The following INTS8 variants were observed in gnomAD, a reference collection of about 807,000 sequenced individuals.
INTS8 encodes protein kaonashi-1.
INTS8 carries 47 observed loss-of-function variants against 138.9 expected under a neutral mutation model. The ratio of observed to expected loss-of-function variants is 0.34; its 90% CI spans 0.27 to 0.43. The LOEUF is 0.43. INTS8 is among the 20% of genes least tolerant of loss of function. The pLI is 1.00. For synonymous variants in INTS8, 392 were observed against 400.9 expected (o/e 0.98, Z 0.27); for missense variants, 996 against 1,173.0 (o/e 0.85, Z 2.20).
chr8:94,870,929 A>G (rs961909578), intron 20 of INTS8, among the ~76,000 whole-genome samples: 4 of 152,014 alleles, frequency 2.6e-5, no homozygotes, highest in Non-Finnish European at 1.5e-5. Context: ...CTGACTCTGT[A>G]CCTGAAGGTG....
At position 94,853,786 on chromosome 8, in the gene INTS8, T is replaced by C. The variant is rs1017629100; in HGVS notation, c.1642-19T>C. 3.7e-6 allele frequency: 5 copies of C among 1,335,996 alleles called. No individual in the cohort carries two copies. The African/African-American group carries it at 7.2e-5, about 19-fold the overall frequency. The allele number at this position is 1,335,996 out of a possible 1,614,324, so 82.8% of individuals were successfully genotyped here. ...TCCTCTATGTGTGCATATATATATG[T>C]ATTTTTTGTTTCTTTTAGTGGGAAG... On this transcript the variant is annotated intron_variant, in intron 13 of 26. Coordinates refer to ENST00000523731, the MANE Select transcript of INTS8 (RefSeq NM_017864.4).
intron 10 of INTS8, among the ~76,000 whole-genome samples, chr8:94,848,807 T>A (rs1236973381): frequency 6.6e-6 from 1 of 152,180 alleles, no homozygotes; most frequent in Non-Finnish European, 1.5e-5. Flanking sequence ...AAAAAATATT[T>A]AGCAATTTCT....
intron 23 of INTS8, 116 bp downstream of exon 23, chr8:94,874,718 T>C (rs892800548): frequency 3.4e-6 from 2 of 587,732 alleles, no homozygotes; most frequent in African/African-American, 3.8e-5. Context: ...TCACTTAGGG[T>C]ATGTAAGAGT....
intron 5 of INTS8, among the ~76,000 whole-genome samples, chr8:94,831,482 CTTTTTT>C (rs11482467): frequency 2.5e-4 from 30 of 121,580 alleles, no homozygotes; most frequent in East Asian, 4.9e-4. Context: ...TTGTCTTTTT[CTTTTTT>C]TTTTTTTTTT....
rs1345582802 is a variant in INTS8, at chr8:94,876,354, T to C, written c.2827+69T>C. ...TATAAATTAAAGGAATATTTAATAT[T>C]GTATATTTTCCAAATCAAAACTGAA... is the stretch of plus-strand genomic sequence containing the variant. On this transcript the variant is annotated intron_variant, in intron 25 of 26. Coordinates refer to ENST00000523731, the MANE Select transcript of INTS8 (RefSeq NM_017864.4). 2.8e-6 allele frequency: 4 copies of C among 1,434,074 alleles called. No homozygotes were observed. In the African/African-American group the frequency reaches 5.7e-5, roughly 20 times the overall value. 88.8% of individuals were successfully genotyped at this position (1,434,074 alleles called of 1,614,324 possible).
At chr8:94,873,337 T>C (rs368083465) in intron 21 of INTS8, 37 bp from the exon 22 acceptor site, 20 of 1,409,496 alleles carry the variant, frequency 1.4e-5, no homozygotes, top group Admixed American at 3.3e-5. Flanking sequence ...TTTTCAACTG[T>C]TACCTCTAAT....
intron 13 of INTS8, 57 bp downstream of exon 13, chr8:94,851,743 A>G (rs1225783103): frequency 2.1e-6 from 3 of 1,449,678 alleles, no homozygotes; most frequent in Non-Finnish European, 1.9e-6. Context: ...GAGGTAATTT[A>G]ATAGAAAAGC....
chr8:94,850,158 A>G, intron 12 of INTS8, 67 bp downstream of exon 12: 2 of 1,085,522 alleles, frequency 1.8e-6, no homozygotes, highest in Non-Finnish European at 2.7e-6. Context: ...TTAACCTTGA[A>G]ATATATTTGA....
Position 94,878,115 on chromosome 8 carries a change from A to G in INTS8, c.2871+1626A>G, listed in dbSNP as rs370606145. On this transcript the variant is annotated intron_variant, in intron 26 of 26. Coordinates refer to ENST00000523731, the MANE Select transcript of INTS8 (RefSeq NM_017864.4). The stretch of plus-strand genomic sequence containing the variant: ...TCACCTGGGAAAGCCCTAGCCCTGC[A>G]TAAGTCCAGAAACTTACGTGTTTTA... Among the ~76,000 whole-genome samples, 14 of 152,160 alleles carry G rather than the reference A, an allele frequency of 9.2e-5. 1 individual carries two copies. Among genetic ancestry groups the G allele is most frequent in the Admixed American group, 8.5e-4 (13 of 15,276 alleles).
At chr8:94,857,037 A>G in intron 15 of INTS8, 59 bp downstream of exon 15, 2 of 1,274,754 alleles carry the variant, frequency 1.6e-6, no homozygotes, top group Non-Finnish European at 2.2e-6. Flanking sequence ...ATTGTGGGGG[A>G]AAATTTAAAA....
chr8:94,837,644 C>G (rs1293031359), intron 7 of INTS8, among the ~76,000 whole-genome samples: 1 of 151,812 alleles, frequency 6.6e-6, no homozygotes, highest in Non-Finnish European at 1.5e-5. Flanking sequence ...TCCTTTAAAT[C>G]TCTGCTGGTA....
At chr8:94,826,366 C>G (rs1313033599) in intron 2 of INTS8, among the ~76,000 whole-genome samples, 1 of 152,120 alleles carries the variant, frequency 6.6e-6, no homozygotes, top group Non-Finnish European at 1.5e-5. Context: ...ACTGCAAGCT[C>G]CGCCTCCTGG....
intron 21 of INTS8, 77 bp downstream of exon 21, chr8:94,872,079 T>C: frequency 1.5e-6 from 1 of 683,584 alleles, no homozygotes. Context: ...ATAACCTATT[T>C]TATTTCAATA....
chr8:94,865,005 G>A (rs921798778), intron 16 of INTS8, among the ~76,000 whole-genome samples: 2 of 149,538 alleles, frequency 1.3e-5, no homozygotes, highest in East Asian at 1.9e-4. Flanking sequence ...TATTTTTTTC[G>A]TTGAAACAAT....
chr8:94,875,987 A>G lies in INTS8; in HGVS notation c.2689-87A>G, dbSNP rs1021850152. 25 of 879,038 alleles carry G rather than the reference A, an allele frequency of 2.8e-5. 1 individual carries two copies. Among genetic ancestry groups the G allele is most frequent in the Middle Eastern group, 6.9e-4 (2 of 2,914 alleles). The allele number at this position is 879,038 out of a possible 1,614,324, so 54.5% of individuals were successfully genotyped here. On this transcript the variant is annotated intron_variant, in intron 23 of 26. Coordinates refer to ENST00000523731, the MANE Select transcript of INTS8 (RefSeq NM_017864.4). ...TATGAGCGGATTCAATGTGATCTAT[A>G]AGGCTTAATATAAGAGTAATTCAAG... is the stretch of plus-strand genomic sequence containing the variant.
At chr8:94,855,075 C>A (rs1271724221) in intron 14 of INTS8, among the ~76,000 whole-genome samples, 1 of 152,086 alleles carries the variant, frequency 6.6e-6, no homozygotes, top group African/African-American at 2.4e-5. Flanking sequence ...AATTTTGGGG[C>A]CCTGTCCTAG....
Position 94,879,758 on chromosome 8 carries a change from T to C in INTS8, c.2872-360T>C, listed in dbSNP as rs115579496. ...AAAGTTGAGCAACTATATGCTACCA[T>C]AGTGCTGAGCCACCAGTTATTTTTG... On this transcript the variant is annotated intron_variant, in intron 26 of 26. Coordinates refer to ENST00000523731, the MANE Select transcript of INTS8 (RefSeq NM_017864.4). 4.4e-3 allele frequency: 732 copies of C among 164,728 alleles called. 7 individuals are homozygous for C. Among genetic ancestry groups the C allele is most frequent in the African/African-American group, 0.015 (645 of 41,702 alleles). The allele number at this position is 164,728 out of a possible 1,614,324, so 10.2% of individuals were successfully genotyped here.
chr8:94,844,903 C>T (rs936876765), intron 10 of INTS8, among the ~76,000 whole-genome samples: 1 of 151,984 alleles, frequency 6.6e-6, no homozygotes, highest in Non-Finnish European at 1.5e-5. Flanking sequence ...CAGGCATGTG[C>T]CACCACGCCT....
chr8:94,876,414 A>G (rs768063606), intron 25 of INTS8, 32 bp from the exon 26 acceptor site: 2 of 1,437,110 alleles, frequency 1.4e-6, no homozygotes, highest in South Asian at 1.2e-5. Context: ...ATTTAATACT[A>G]TCAGATTTAT....
Sources: allele counts gnomAD v4.1 joint callset (sites outside exome capture counted in the v4.1 genomes callset), GRCh38; gene constraint gnomAD v4.1.1; transcripts MANE v1.5; gene names NCBI Gene and HGNC (gene_info 2026-07-23, HGNC 2026-07-21).